RBM19: variants seen among roughly 807,000 people sequenced by gnomAD.
RBM19 encodes the protein probable RNA-binding protein 19.
In RBM19, 94 loss-of-function variants were observed where a neutral mutation model predicts 116.8. That is an observed-to-expected ratio of 0.80 (90% CI 0.68 to 0.95). RBM19 has a LOEUF of 0.95. Among genes scored for constraint, RBM19 ranks in the 40% least tolerant of loss-of-function variants. RBM19 has a pLI of 0.00. For synonymous variants in RBM19, 475 were observed against 494.1 expected (o/e 0.96, Z 0.51); for missense variants, 1,161 against 1,220.7 (o/e 0.95, Z 0.73).
At chr12:113,834,136 G>T (rs1875676609) in intron 23 of RBM19, among the ~76,000 whole-genome samples, 1 of 152,200 alleles carries the variant, frequency 6.6e-6, no homozygotes, top group East Asian at 1.9e-4. Flanking sequence ...CAGGGGAGGG[G>T]GGCAATCATC....
At chr12:113,817,055 G>A (rs1043811), downstream of RBM19, 117,575 of 152,238 alleles carry the variant, frequency 0.77, 46,058 homozygotes, top group African/African-American at 0.88. Context: ...CAAAGCCTGC[G>A]TGCTCTGCTC....
Position 113,962,275 on chromosome 12 carries a change from T to G in RBM19, c.176A>C (p.Gln59Pro). Residue 59 changes from glutamine to proline, a missense_variant, in exon 2 of 24, where the codon CAG (glutamine) becomes CCG (proline). Gln to Pro is a moderately conservative substitution (Grantham distance 76). Coordinates refer to ENST00000261741, the MANE Select transcript of RBM19 (RefSeq NM_016196.4). Reference protein sequence around the residue: ...FKSEEEAQKAQKHFNKSFIDT... With the variant: ...FKSEEEAQKAPKHFNKSFIDT... Reference sequence around the variant, plus strand: ...GATGAAGCTCTTGTTGAAATGCTTCTGTGCCTTCTGGGCCTCTTCCTCGGA... The same window carrying G: ...GATGAAGCTCTTGTTGAAATGCTTCGGTGCCTTCTGGGCCTCTTCCTCGGA... 6.2e-7 allele frequency: 1 copy of G among 1,614,294 alleles called. No homozygotes were observed. Among genetic ancestry groups the G allele is most frequent in the Non-Finnish European group, 8.5e-7 (1 of 1,180,050 alleles).
intron 19 of RBM19, 138 bp downstream of exon 19, chr12:113,920,473 G>T (rs77735222): frequency 5.1e-6 from 4 of 791,086 alleles, no homozygotes; most frequent in Non-Finnish European, 8.5e-6. Flanking sequence ...CCACAGTCCC[G>T]TAGAGATCTG....
intron 21 of RBM19, among the ~76,000 whole-genome samples, chr12:113,867,567 GATAA>G (rs1423673711): frequency 2.0e-5 from 3 of 152,154 alleles, no homozygotes; most frequent in Non-Finnish European, 2.9e-5. Context: ...GTTTAAAACT[GATAA>G]ATAATATGCA....
At position 113,822,413 on chromosome 12, in the gene RBM19, CTCTGGG is replaced by C. The variant is rs1874481972; in HGVS notation, c.*805_*810del. 1 of 152,212 alleles carries C rather than the reference CTCTGGG, an allele frequency of 6.6e-6. No individual in the cohort carries two copies. Among genetic ancestry groups the C allele is most frequent in the Non-Finnish European group, 1.5e-5 (1 of 68,048 alleles). The allele number at this position is 152,212 out of a possible 1,614,324, so 9.4% of individuals were successfully genotyped here. A position where few individuals can be genotyped will look rare whatever the true frequency, so the allele number is the denominator to read the frequency against. ...GAGGACCTTGATGCATTTCACAGGG[CTCTGGG>C]CCCGTGAGCAGAACGCGTCCACCAT... is the stretch of plus-strand genomic sequence containing the variant. On this transcript the variant is annotated 3_prime_UTR_variant, in exon 24 of 24. Transcript: ENST00000261741.
At chr12:113,908,573 C>CAAAAAAAAAAAAAAAAAAA (rs11338829) in intron 21 of RBM19, among the ~76,000 whole-genome samples, 10 of 33,224 alleles carry the variant, frequency 3.0e-4, no homozygotes, top group Non-Finnish European at 4.6e-4. Flanking sequence ...AAGAAAATAG[C>CAAAAAAAAAAAAAAAAAAA]AAAAAAAAAA....
chr12:113,938,861 C>G (rs1357158207), intron 15 of RBM19, among the ~76,000 whole-genome samples: 1 of 152,150 alleles, frequency 6.6e-6, no homozygotes, highest in African/African-American at 2.4e-5. Context: ...CTAGAGCCTT[C>G]AGAGGAAGCA....
intron 6 of RBM19, among the ~76,000 whole-genome samples, chr12:113,956,916 C>T (rs908125033): frequency 7.9e-5 from 12 of 152,278 alleles, no homozygotes; most frequent in South Asian, 4.2e-4. Context: ...TGCAACGGCA[C>T]GGCAGGCATG....
At position 113,939,990 on chromosome 12, in the gene RBM19, G is replaced by C; in HGVS notation, c.1908C>G (p.Arg636=). 6.2e-7 allele frequency: 1 copy of C among 1,614,112 alleles called. No individual in the cohort carries two copies. Among genetic ancestry groups the C allele is most frequent in the Non-Finnish European group, 8.5e-7 (1 of 1,180,024 alleles). ...AATAGGCCAGATGCCTGAAGGCCTT[G>C]CGGGCCTCCAGGGGCTCCAGGAACT... is the stretch of plus-strand genomic sequence containing the variant. The part of the protein sequence containing the change: ...IVEFLEPLEA[R]KAFRHLAYSK... The change falls in exon 15 of 24, where the codon CGC becomes CGG. Residue 636 remains arginine, a synonymous_variant. Transcript: ENST00000261741.
At position 113,929,786 on chromosome 12, in the gene RBM19, C is replaced by T. The variant is rs563765583; in HGVS notation, c.2069-2557G>A. On this transcript the variant is annotated intron_variant, in intron 16 of 23. Transcript: ENST00000261741. ...CTGAGTACAGTCTCACTCATGACCA[C>T]AGCAGCCACATCACAGAAAACAGGG... is the stretch of plus-strand genomic sequence containing the variant. Among the ~76,000 whole-genome samples, 6 of 152,330 alleles carry T rather than the reference C, an allele frequency of 3.9e-5. No homozygotes were observed. The East Asian group carries it at 1.2e-3, about 29-fold the overall frequency.
At chr12:113,848,542 G>A (rs544546271) in intron 22 of RBM19, among the ~76,000 whole-genome samples, 2 of 152,160 alleles carry the variant, frequency 1.3e-5, no homozygotes, top group African/African-American at 4.8e-5. Context: ...CATTCTAGGG[G>A]CAAGGCAGGT....
At chr12:113,956,452 G>C (rs1429813123) in intron 6 of RBM19, among the ~76,000 whole-genome samples, 2 of 151,734 alleles carry the variant, frequency 1.3e-5, no homozygotes, top group African/African-American at 4.8e-5. Flanking sequence ...GTGGTGGTGT[G>C]TGCCTGTAAT....
intron 21 of RBM19, among the ~76,000 whole-genome samples, chr12:113,872,238 G>T (rs547996135): frequency 1.4e-4 from 20 of 146,498 alleles, no homozygotes; most frequent in Middle Eastern, 3.4e-3. Flanking sequence ...GAGGTGAGGA[G>T]CGTCTCTGCC....
At chr12:113,962,174 A>G in intron 2 of RBM19, 58 bp downstream of exon 2, 1 of 1,587,336 alleles carries the variant, frequency 6.3e-7, no homozygotes, top group Non-Finnish European at 8.6e-7. Context: ...TGCTGAGTGA[A>G]AGATCAAACA....
intron 12 of RBM19, 42 bp from the exon 13 acceptor site, chr12:113,945,966 G>T: frequency 2.0e-6 from 3 of 1,490,736 alleles, no homozygotes; most frequent in Non-Finnish European, 2.8e-6. Context: ...ACCGCAGCTG[G>T]ATGAGGGGAA....
In RBM19 at chr12:113,849,331, C is replaced by T. The variant is rs147176966; in HGVS notation, c.2665-4543G>A. Among the ~76,000 whole-genome samples the T allele has an allele frequency of 5.5e-3, 841 of 152,372 alleles. 10 individuals carry two copies. Among genetic ancestry groups the T allele is most frequent in the Admixed American group, 5.5e-3 (84 of 15,308 alleles). ...TCAATGTTCACAAAGCACACTGTGG[C>T]GTCTCCTTCACTGGGTGTCTTGAGA... On this transcript the variant is annotated intron_variant, in intron 22 of 23. Coordinates refer to ENST00000261741, the MANE Select transcript of RBM19 (RefSeq NM_016196.4).
At chr12:113,946,614 G>A (rs904924903) in intron 11 of RBM19, 139 bp from the exon 12 acceptor site, 26 of 1,118,282 alleles carry the variant, frequency 2.3e-5, no homozygotes, top group Admixed American at 4.5e-5. Context: ...GGGAGGTCAG[G>A]TAGAACGTGG....
At chr12:113,910,727 C>A (rs910590878) in intron 21 of RBM19, among the ~76,000 whole-genome samples, 1 of 152,212 alleles carries the variant, frequency 6.6e-6, no homozygotes, top group South Asian at 2.1e-4. Context: ...CTGCGTGGCA[C>A]GTGGTTCACC....
intron 19 of RBM19, among the ~76,000 whole-genome samples, chr12:113,919,985 C>T (rs183627049): frequency 9.2e-4 from 140 of 152,270 alleles, no homozygotes; most frequent in Non-Finnish European, 1.2e-3. Context: ...CCCTGCACAC[C>T]TCTCTCCTCA....
Sources: allele counts gnomAD v4.1 joint callset (sites outside exome capture counted in the v4.1 genomes callset), GRCh38; gene constraint gnomAD v4.1.1; transcripts MANE v1.5; gene names NCBI Gene and HGNC (gene_info 2026-07-23, HGNC 2026-07-21).